Variants in AEBP2 observed in about 807,000 individuals in gnomAD.
AEBP2 encodes the protein zinc finger protein AEBP2.
A neutral mutation model predicts 50.8 loss-of-function variants in AEBP2; 10 were observed. That is an observed-to-expected ratio of 0.20 (90% CI 0.12 to 0.33). The LOEUF (loss-of-function observed/expected upper bound fraction) is 0.33. Among genes scored for constraint, AEBP2 ranks in the 10% least tolerant of loss-of-function variants. AEBP2 has a pLI of 1.00. For synonymous variants in AEBP2, 296 were observed against 261.3 expected, an observed-to-expected ratio of 1.13 and a Z score of -1.28; for missense variants, 570 against 688.0, an observed-to-expected ratio of 0.83 and a Z score of 1.92.
In AEBP2 at chr12:19,519,875, C is replaced by A. The variant is rs1235448774; in HGVS notation, c.*1758C>A. The A allele has an allele frequency of 3.3e-5, 5 of 152,304 alleles. No individual in the cohort carries two copies. Among genetic ancestry groups the A allele is most frequent in the Non-Finnish European group, 5.9e-5 (4 of 67,936 alleles). 9.4% of individuals were successfully genotyped at this position (152,304 alleles called of 1,614,324 possible). A position where few individuals can be genotyped will look rare whatever the true frequency, so the allele number is the denominator to read the frequency against. ...TGAAGTGCAAATAAAAGCACTGCTA[C>A]TATAAGACATTCTGGAATGGTTGTT... On this transcript the variant is annotated 3_prime_UTR_variant, in exon 8 of 8. Coordinates refer to ENST00000266508, the MANE Select transcript of AEBP2 (RefSeq NM_153207.5).
chr12:19,499,154 C>A (rs931773800), intron 4 of AEBP2, among the ~76,000 whole-genome samples: 1 of 152,066 alleles, frequency 6.6e-6, no homozygotes, highest in Non-Finnish European at 1.5e-5. Flanking sequence ...TACAAATAAT[C>A]CACAGTGTAA....
Position 19,485,948 on chromosome 12 carries a change from CTTTT to C in AEBP2, c.988-7835_988-7832del, listed in dbSNP as rs60355570. 7.5e-3 allele frequency among the ~76,000 whole-genome samples: 688 copies of C among 91,224 alleles called. 4 individuals are homozygous for C. Among genetic ancestry groups the C allele is most frequent in the African/African-American group, 0.02 (508 of 24,814 alleles). 59.8% of individuals were successfully genotyped at this position (91,224 alleles called of 152,430 possible). A position where few individuals can be genotyped will look rare whatever the true frequency, so the allele number is the denominator to read the frequency against. ...AGGTGATGTTTGAGGTGAGCCTCTG[CTTTT>C]TTTTTTTTTTTTTTTTCATTTTGTT... is the stretch of plus-strand genomic sequence containing the variant. On this transcript the variant is annotated intron_variant, in intron 3 of 7. Transcript: ENST00000266508.
At chr12:19,493,530 A>T (rs1186673215) in intron 3 of AEBP2, among the ~76,000 whole-genome samples, 1 of 152,210 alleles carries the variant, frequency 6.6e-6, no homozygotes, top group Non-Finnish European at 1.5e-5. Context: ...AGAAGATCCC[A>T]TTATTTTTGT....
chr12:19,495,799 C>T (rs1477245179), intron 4 of AEBP2, among the ~76,000 whole-genome samples: 1 of 152,092 alleles, frequency 6.6e-6, no homozygotes, highest in African/African-American at 2.4e-5. Flanking sequence ...CCACTTCAGC[C>T]TCCCAAAGTG....
intron 3 of AEBP2, among the ~76,000 whole-genome samples, chr12:19,487,430 A>G (rs1948826424): frequency 6.6e-6 from 1 of 152,138 alleles, no homozygotes. Flanking sequence ...TGAAAGAGAA[A>G]AAAGGGGCCA....
chr12:19,520,690 A>G lies in AEBP2; in HGVS notation c.*2573A>G, dbSNP rs944582352. The G allele has an allele frequency of 5.3e-5, 8 of 152,166 alleles. No individual in the cohort carries two copies. Among genetic ancestry groups the G allele is most frequent in the African/African-American group, 1.9e-4 (8 of 41,446 alleles). The allele number at this position is 152,166 out of a possible 1,614,324, so 9.4% of individuals were successfully genotyped here. A position where few individuals can be genotyped will look rare whatever the true frequency, so the allele number is the denominator to read the frequency against. Reference sequence around the variant, plus strand: ...CAAACTACAGCTCACAAGCATACCCATTTATATGTTGTCTATGCCTGCTTT... The same window carrying G: ...CAAACTACAGCTCACAAGCATACCCGTTTATATGTTGTCTATGCCTGCTTT... On this transcript the variant is annotated 3_prime_UTR_variant, in exon 8 of 8. Transcript: ENST00000266508.
chr12:19,451,361 G>A (rs948496222), intron 1 of AEBP2, among the ~76,000 whole-genome samples: 5 of 152,168 alleles, frequency 3.3e-5, no homozygotes, highest in African/African-American at 1.2e-4. Flanking sequence ...ACTCAAAACA[G>A]CTGGGGGTCA....
intron 1 of AEBP2, among the ~76,000 whole-genome samples, chr12:19,455,182 A>G (rs2652009): frequency 5.3e-5 from 8 of 151,388 alleles, no homozygotes; most frequent in African/African-American, 1.9e-4. Flanking sequence ...TTTAAGAGAC[A>G]GGGTCTTGCT....
intron 5 of AEBP2, among the ~76,000 whole-genome samples, chr12:19,502,989 C>T (rs1415112294): frequency 6.6e-6 from 1 of 152,164 alleles, no homozygotes; most frequent in East Asian, 1.9e-4. Flanking sequence ...GTTTTGGTTA[C>T]TGTAGCCTTG....
intron 2 of AEBP2, among the ~76,000 whole-genome samples, chr12:19,472,067 G>C (rs1312776651): frequency 6.6e-6 from 1 of 152,030 alleles, no homozygotes; most frequent in East Asian, 1.9e-4. Context: ...TGGCAGTGGT[G>C]GTATTGCCTT....
intron 1 of AEBP2, among the ~76,000 whole-genome samples, chr12:19,433,760 G>A (rs2095752676): frequency 1.3e-5 from 2 of 151,520 alleles, no homozygotes; most frequent in South Asian, 2.1e-4. Context: ...CCGAGATCAT[G>A]CCACTTTGCT....
intron 1 of AEBP2, among the ~76,000 whole-genome samples, chr12:19,418,734 A>T (rs1241857966): frequency 6.6e-6 from 1 of 152,062 alleles, no homozygotes; most frequent in Non-Finnish European, 1.5e-5. Flanking sequence ...TACCTTGGGC[A>T]TGTGTGGTCA....
intron 5 of AEBP2, chr12:19,509,376 CTT>C (rs1949199956): frequency 5.8e-6 from 1 of 173,356 alleles, no homozygotes; most frequent in Non-Finnish European, 1.2e-5. Context: ...TTTTCATTCT[CTT>C]AATAATAACA....
chr12:19,508,322 A>G (rs1270561587), intron 5 of AEBP2, among the ~76,000 whole-genome samples: 3 of 152,112 alleles, frequency 2.0e-5, no homozygotes, highest in Admixed American at 6.5e-5. Context: ...CAGCCTCCCA[A>G]AGTGCTGGGA....
intron 3 of AEBP2, among the ~76,000 whole-genome samples, chr12:19,484,786 C>G (rs1171724917): frequency 6.6e-6 from 1 of 150,922 alleles, no homozygotes; most frequent in African/African-American, 2.4e-5. Flanking sequence ...TAAGTGGTCT[C>G]TGAAGAAAAA....
At chr12:19,477,038 T>A (rs1948657612) in intron 3 of AEBP2, among the ~76,000 whole-genome samples, 1 of 152,212 alleles carries the variant, frequency 6.6e-6, no homozygotes, top group South Asian at 2.1e-4. Context: ...CCTCCTTGGT[T>A]AGGTATATTC....
chr12:19,413,013 T>G, intron 1 of AEBP2: 2 of 399,240 alleles, frequency 5.0e-6, no homozygotes, highest in Non-Finnish European at 4.6e-6. Context: ...GGCGTTGGGG[T>G]GTGGGGTCCC....
chr12:19,454,325 C>G (rs1393056200), intron 1 of AEBP2, among the ~76,000 whole-genome samples: 1 of 152,190 alleles, frequency 6.6e-6, no homozygotes, highest in Admixed American at 6.5e-5. Context: ...ACACTGAACT[C>G]TTAATACTGT....
intron 3 of AEBP2, among the ~76,000 whole-genome samples, chr12:19,484,704 A>G (rs910670534): frequency 1.3e-5 from 2 of 151,920 alleles, no homozygotes; most frequent in Non-Finnish European, 2.9e-5. Context: ...TATTTCTTTC[A>G]TTATGGGTTA....
Sources: gnomAD v4.1 joint callset for allele counts (sites outside exome capture counted in the v4.1 genomes callset) on GRCh38, gnomAD v4.1.1 for gene constraint, MANE v1.5 for transcripts, NCBI Gene and HGNC (gene_info 2026-07-23, HGNC 2026-07-21) for gene names.